NFIB: variants seen among roughly 807,000 people sequenced by gnomAD.
NFIB encodes nuclear factor I B.
In NFIB, 11 loss-of-function variants were observed where a neutral mutation model predicts 61.5. The ratio of observed to expected loss-of-function variants is 0.18; its 90% CI spans 0.11 to 0.30. The LOEUF (loss-of-function observed/expected upper bound fraction) is 0.30. NFIB is among the 10% of genes least tolerant of loss of function. The pLI is 1.00. For synonymous variants in NFIB, 260 were observed against 216.5 expected, an observed-to-expected ratio of 1.20 and a Z score of -1.76; for missense variants, 471 against 608.9, an observed-to-expected ratio of 0.77 and a Z score of 2.38.
the NFIB span, among the ~76,000 whole-genome samples, chr9:14,437,685 C>G: frequency 6.6e-6 from 1 of 152,100 alleles, no homozygotes; most frequent in African/African-American, 2.4e-5. Context: ...GGCCCGGGAC[C>G]GGAGGGGGTC....
At chr9:14,122,781 A>G (rs1313236616) in intron 7 of NFIB, among the ~76,000 whole-genome samples, 1 of 152,022 alleles carries the variant, frequency 6.6e-6, no homozygotes, top group Non-Finnish European at 1.5e-5. Context: ...TCTGGAGGAG[A>G]TCTATTTTCA....
chr9:14,407,656 T>C, the NFIB span, among the ~76,000 whole-genome samples: 21 of 152,252 alleles, frequency 1.4e-4, no homozygotes, highest in African/African-American at 4.8e-4. Context: ...AGGCCTGTGG[T>C]GTAAGTTTGT....
intron 2 of NFIB, among the ~76,000 whole-genome samples, chr9:14,303,138 G>A (rs2059838905): frequency 6.6e-6 from 1 of 152,200 alleles, no homozygotes. Flanking sequence ...TCTAACTAGA[G>A]AGGAAAACTG....
At chr9:14,519,411 T>C in the NFIB span, among the ~76,000 whole-genome samples, 1 of 152,138 alleles carries the variant, frequency 6.6e-6, no homozygotes, top group African/African-American at 2.4e-5. Context: ...GAAGAAATCA[T>C]TTTCTCAGAA....
At chr9:14,332,811 T>C (rs1036971410) in intron 1 of NFIB, among the ~76,000 whole-genome samples, 1 of 150,294 alleles carries the variant, frequency 6.7e-6, no homozygotes, top group Non-Finnish European at 1.5e-5. Flanking sequence ...GGATGGGGAG[T>C]GGGAGGGGAA....
chr9:14,374,983 T>C (rs1202096878), intron 1 of NFIB, among the ~76,000 whole-genome samples: 1 of 152,132 alleles, frequency 6.6e-6, no homozygotes, highest in Non-Finnish European at 1.5e-5. Context: ...GCAAAAGGCA[T>C]AGTTTAGGAA....
intron 2 of NFIB, among the ~76,000 whole-genome samples, chr9:14,262,777 T>C (rs1479762987): frequency 6.6e-6 from 1 of 151,880 alleles, no homozygotes; most frequent in Non-Finnish European, 1.5e-5. Context: ...GTTTGTTTTT[T>C]GTTTATTTGT....
At chr9:14,455,408 G>C in the NFIB span, among the ~76,000 whole-genome samples, 2 of 152,174 alleles carry the variant, frequency 1.3e-5, no homozygotes, top group Non-Finnish European at 2.9e-5. Flanking sequence ...GTGGTATGTC[G>C]CAATAGCCAG....
At chr9:14,379,708 G>A (rs1373195608) in intron 1 of NFIB, among the ~76,000 whole-genome samples, 1 of 151,986 alleles carries the variant, frequency 6.6e-6, no homozygotes, top group Non-Finnish European at 1.5e-5. Context: ...TGGAGATGGA[G>A]TTTTGCTCTT....
At chr9:14,270,816 T>C (rs2057550680) in intron 2 of NFIB, among the ~76,000 whole-genome samples, 1 of 152,124 alleles carries the variant, frequency 6.6e-6, no homozygotes, top group African/African-American at 2.4e-5. Context: ...CACAACCTAA[T>C]TTATAGCAAT....
chr9:14,520,126 A>G, the NFIB span, among the ~76,000 whole-genome samples: 17 of 151,848 alleles, frequency 1.1e-4, no homozygotes. Context: ...ACTGCACCTA[A>G]GATTTCCTTC....
intron 2 of NFIB, among the ~76,000 whole-genome samples, chr9:14,180,329 G>A (rs956694637): frequency 2.0e-5 from 3 of 152,220 alleles, no homozygotes; most frequent in Non-Finnish European, 2.9e-5. Flanking sequence ...AATAGCAATC[G>A]ATTTGCAAAC....
At chr9:14,247,372 C>T (rs1322657503) in intron 2 of NFIB, among the ~76,000 whole-genome samples, 2 of 152,178 alleles carry the variant, frequency 1.3e-5, no homozygotes, top group African/African-American at 4.8e-5. Flanking sequence ...TTCCATGCGC[C>T]ATCCAATAAT....
At chr9:14,478,308 T>G in the NFIB span, among the ~76,000 whole-genome samples, 3 of 152,174 alleles carry the variant, frequency 2.0e-5, no homozygotes, top group Non-Finnish European at 4.4e-5. Context: ...TACACTTGCT[T>G]TTGCCTCAGA....
the NFIB span, among the ~76,000 whole-genome samples, chr9:14,524,171 A>C: frequency 9.2e-5 from 14 of 152,158 alleles, no homozygotes; most frequent in Admixed American, 3.9e-4. Context: ...TGTGGTCCCC[A>C]TCCTCTTGGG....
intron 1 of NFIB, among the ~76,000 whole-genome samples, chr9:14,390,384 G>A (rs1743209977): frequency 6.6e-6 from 1 of 152,144 alleles, no homozygotes; most frequent in Non-Finnish European, 1.5e-5. Context: ...TACAAGAGAA[G>A]CCTGAAGCAT....
the NFIB span, among the ~76,000 whole-genome samples, chr9:14,419,287 T>TA: frequency 0.098 from 12,407 of 126,974 alleles, 765 homozygotes; most frequent in African/African-American, 0.17. Context: ...GCAGCACTGT[T>TA]AAAAAAAAAA....
intron 2 of NFIB, among the ~76,000 whole-genome samples, chr9:14,276,448 T>C (rs1438654432): frequency 6.6e-6 from 1 of 152,134 alleles, no homozygotes; most frequent in Non-Finnish European, 1.5e-5. Flanking sequence ...TTCAGAGCAA[T>C]ATGGTTTGCA....
At chr9:14,451,107 G>A in the NFIB span, among the ~76,000 whole-genome samples, 1 of 152,180 alleles carries the variant, frequency 6.6e-6, no homozygotes, top group Non-Finnish European at 1.5e-5. Flanking sequence ...GCCAGCTGGA[G>A]GAAACATTTG....
Sources: allele counts gnomAD v4.1 joint callset (sites outside exome capture counted in the v4.1 genomes callset), GRCh38; gene constraint gnomAD v4.1.1; transcripts MANE v1.5; gene names NCBI Gene and HGNC (gene_info 2026-07-23, HGNC 2026-07-21).